ELOVL6: variants seen among roughly 807,000 people sequenced by gnomAD.
The protein encoded by ELOVL6 is very long chain fatty acid elongase 6.
A neutral mutation model predicts 31.7 loss-of-function variants in ELOVL6; 8 were observed. The observed-to-expected ratio is 0.25, with a 90% CI of 0.15 to 0.45. The LOEUF (loss-of-function observed/expected upper bound fraction) is 0.45, where lower values mean the gene tolerates loss of function less well. Among genes scored for constraint, ELOVL6 ranks in the 20% least tolerant of loss-of-function variants. ELOVL6 has a pLI of 1.00. For missense variants in ELOVL6, 126 were observed against 326.4 expected (o/e 0.39, Z 4.73); for synonymous variants, 101 against 117.7 (o/e 0.86, Z 0.92).
chr4:110,198,084 CCCCA>C, intron 1 of ELOVL6, 159 bp downstream of exon 1: 1 of 577,566 alleles, frequency 1.7e-6, no homozygotes, highest in Non-Finnish European at 3.1e-6. Context: ...ACCCCCCCCC[CCCCA>C]GCGTCTCCTG....
chr4:110,065,311 T>G (rs1755268139), intron 2 of ELOVL6, among the ~76,000 whole-genome samples: 1 of 152,196 alleles, frequency 6.6e-6, no homozygotes, highest in Non-Finnish European at 1.5e-5. Context: ...ATAAGAGATA[T>G]AGCTAATCTT....
chr4:110,184,745 G>C (rs1759390799), intron 1 of ELOVL6, among the ~76,000 whole-genome samples: 1 of 152,174 alleles, frequency 6.6e-6, no homozygotes. Flanking sequence ...AGGGAGATGA[G>C]TACTTTCATG....
chr4:110,088,208 G>A (rs1307170583), intron 2 of ELOVL6, among the ~76,000 whole-genome samples: 1 of 152,134 alleles, frequency 6.6e-6, no homozygotes, highest in Non-Finnish European at 1.5e-5. Context: ...CAAGCACAGA[G>A]CGCTAATTAG....
At chr4:110,118,884 T>C (rs562119487) in intron 1 of ELOVL6, among the ~76,000 whole-genome samples, 1 of 152,078 alleles carries the variant, frequency 6.6e-6, no homozygotes, top group Non-Finnish European at 1.5e-5. Context: ...CTGGGCAACA[T>C]GGCCAAACCC....
chr4:110,092,713 A>G lies in ELOVL6; in HGVS notation c.221+12784T>C, dbSNP rs1756458909. Among the ~76,000 whole-genome samples the G allele has an allele frequency of 2.0e-5, 3 of 152,200 alleles. No homozygotes were observed. In the South Asian group the frequency reaches 6.2e-4, roughly 31 times the overall value. On this transcript the variant is annotated intron_variant, in intron 2 of 3. Coordinates refer to ENST00000302274, the MANE Select transcript of ELOVL6 (RefSeq NM_024090.3). Reference sequence around the variant, plus strand: ...GTCAGCATCATTTGAAGCATTCCAGATTATGCAATTAGGCAATTTCATTAA... The same window carrying G: ...GTCAGCATCATTTGAAGCATTCCAGGTTATGCAATTAGGCAATTTCATTAA...
intron 2 of ELOVL6, among the ~76,000 whole-genome samples, chr4:110,084,717 C>T (rs1457734547): frequency 6.7e-6 from 1 of 149,396 alleles, no homozygotes; most frequent in East Asian, 2.0e-4. Flanking sequence ...GCCTCAGCCT[C>T]CTGAGTAGCT....
chr4:110,185,415 C>G (rs878980777), intron 1 of ELOVL6, among the ~76,000 whole-genome samples: 23 of 152,178 alleles, frequency 1.5e-4, no homozygotes, highest in African/African-American at 5.1e-4. Flanking sequence ...CTCCTACCCC[C>G]ACTCAAGAGC....
At chr4:110,084,374 A>ATCGCATATATCATATG (rs1756117115) in intron 2 of ELOVL6, among the ~76,000 whole-genome samples, 2 of 129,538 alleles carry the variant, frequency 1.5e-5, no homozygotes, top group African/African-American at 5.7e-5. Flanking sequence ...TATATGATAT[A>ATCGCATATATCATATG]TGATATATAT....
chr4:110,138,401 T>A (rs1280834350), intron 1 of ELOVL6, among the ~76,000 whole-genome samples: 1 of 152,154 alleles, frequency 6.6e-6, no homozygotes, highest in Non-Finnish European at 1.5e-5. Context: ...CAAATGAGCC[T>A]CACAGAGCTT....
intron 1 of ELOVL6, among the ~76,000 whole-genome samples, chr4:110,165,973 C>T (rs879516818): frequency 6.6e-6 from 1 of 152,138 alleles, no homozygotes; most frequent in Non-Finnish European, 1.5e-5. Context: ...AAATTATCAA[C>T]CCACGATCCT....
intron 2 of ELOVL6, among the ~76,000 whole-genome samples, chr4:110,077,692 C>T (rs766313070): frequency 6.6e-6 from 1 of 152,120 alleles, no homozygotes; most frequent in Non-Finnish European, 1.5e-5. Flanking sequence ...CTCTCCTCCC[C>T]CAAAGGAACG....
At position 110,079,997 on chromosome 4, in the gene ELOVL6, T is replaced by A. The variant is rs540411983; in HGVS notation, c.222-20243A>T. Among the ~76,000 whole-genome samples the A allele has an allele frequency of 3.7e-3, 560 of 152,160 alleles. 2 individuals are homozygous for A. Among genetic ancestry groups the A allele is most frequent in the African/African-American group, 0.013 (543 of 41,490 alleles). ...AATAAACTAGAAAATCTAGAAGAAA[T>A]GGATAAATTCCTCGACACATACACC... On this transcript the variant is annotated intron_variant, in intron 2 of 3. Coordinates refer to ENST00000302274, the MANE Select transcript of ELOVL6 (RefSeq NM_024090.3).
intron 1 of ELOVL6, among the ~76,000 whole-genome samples, chr4:110,133,000 G>C (rs779911884): frequency 1.2e-4 from 18 of 152,088 alleles, no homozygotes; most frequent in Non-Finnish European, 2.1e-4. Flanking sequence ...GGGTGGTGGT[G>C]GTTGAAGTCA....
intron 2 of ELOVL6, among the ~76,000 whole-genome samples, chr4:110,095,482 A>AG (rs1424531577): frequency 6.9e-6 from 1 of 144,848 alleles, no homozygotes; most frequent in Non-Finnish European, 1.5e-5. Flanking sequence ...ACTGTCTTTA[A>AG]AAAAAAAAAA....
intron 1 of ELOVL6, among the ~76,000 whole-genome samples, chr4:110,158,635 G>GTATGTA (rs1553961433): frequency 1.7e-3 from 141 of 81,524 alleles, no homozygotes; most frequent in East Asian, 0.015. Context: ...ATATACACGT[G>GTATGTA]TATATATATA....
At chr4:110,157,310 T>C (rs1758476153) in intron 1 of ELOVL6, among the ~76,000 whole-genome samples, 1 of 152,180 alleles carries the variant, frequency 6.6e-6, no homozygotes, top group African/African-American at 2.4e-5. Flanking sequence ...TTTGAGCTGG[T>C]AAAATGCCAA....
At chr4:110,110,836 T>A (rs946211321) in intron 1 of ELOVL6, among the ~76,000 whole-genome samples, 1 of 152,162 alleles carries the variant, frequency 6.6e-6, no homozygotes, top group East Asian at 1.9e-4. Flanking sequence ...ATAACTAAGG[T>A]AAAGGTTCCT....
At chr4:110,178,585 G>A (rs927366316) in intron 1 of ELOVL6, among the ~76,000 whole-genome samples, 11 of 151,506 alleles carry the variant, frequency 7.3e-5, no homozygotes, top group Non-Finnish European at 1.6e-4. Context: ...GGCCAGACGC[G>A]GTGGCTCACA....
intron 2 of ELOVL6, among the ~76,000 whole-genome samples, chr4:110,080,878 G>A (rs1351219002): frequency 1.3e-5 from 2 of 151,920 alleles, no homozygotes; most frequent in South Asian, 2.1e-4. Flanking sequence ...TAAGCTGATA[G>A]GCAACTTCAG....
Sources: gnomAD v4.1 joint callset for allele counts (sites outside exome capture counted in the v4.1 genomes callset) on GRCh38, gnomAD v4.1.1 for gene constraint, MANE v1.5 for transcripts, NCBI Gene and HGNC (gene_info 2026-07-23, HGNC 2026-07-21) for gene names.